Variants in DCAKD observed in about 807,000 individuals in gnomAD.
DCAKD encodes dephospho-CoA kinase domain containing, also known as dephospho-CoA kinase domain-containing protein.
A neutral mutation model predicts 18.7 loss-of-function variants in DCAKD; 15 were observed. The ratio of observed to expected loss-of-function variants is 0.80; its 90% CI spans 0.54 to 1.24. The LOEUF (loss-of-function observed/expected upper bound fraction) is 1.24, where lower values mean the gene tolerates loss of function less well. Among genes scored for constraint, DCAKD ranks in the 50% most tolerant of loss-of-function variants. The probability of loss-of-function intolerance (pLI) is 0.00; values close to 1 mark genes in which losing one functional copy is unlikely to be tolerated. For synonymous variants in DCAKD, 130 were observed against 133.0 expected (o/e 0.98, Z 0.16); for missense variants, 301 against 322.0 (o/e 0.93, Z 0.50).
At chr17:45,044,809 A>G (rs544779125) in intron 1 of DCAKD, among the ~76,000 whole-genome samples, 12 of 152,380 alleles carry the variant, frequency 7.9e-5, no homozygotes, top group Non-Finnish European at 1.6e-4. Flanking sequence ...TTGGGATTCT[A>G]AAGAAAGAAC....
intron 1 of DCAKD, among the ~76,000 whole-genome samples, chr17:45,039,391 A>G (rs1278145489): frequency 6.6e-6 from 1 of 152,218 alleles, no homozygotes; most frequent in Non-Finnish European, 1.5e-5. Flanking sequence ...CATTCCTCAC[A>G]GCAAGTGCTA....
At chr17:45,060,849 G>A (rs1290481376) in intron 1 of DCAKD, 2 of 190,940 alleles carry the variant, frequency 1.0e-5, no homozygotes, top group Non-Finnish European at 2.0e-5. Context: ...TCCGGCTCCA[G>A]GCAGGTAGCA....
intron 4 of DCAKD, among the ~76,000 whole-genome samples, chr17:45,027,217 T>A (rs1314319865): frequency 1.3e-5 from 2 of 152,182 alleles, no homozygotes; most frequent in African/African-American, 4.8e-5. Context: ...GCTGCATGCC[T>A]GCAATCCCAG....
At chr17:45,056,231 T>A (rs1304168483), upstream of DCAKD, among the ~76,000 whole-genome samples, 1 of 152,110 alleles carries the variant, frequency 6.6e-6, no homozygotes, top group Non-Finnish European at 1.5e-5. Context: ...ATGGACATCA[T>A]GAAGAAAACT....
chr17:45,051,563 C>G lies in DCAKD; in HGVS notation c.-317G>C, dbSNP rs1175615929. The stretch of plus-strand genomic sequence containing the variant: ...TGGCGCGCTACGTACCCAGCGCCTC[C>G]GCCGTGGCCCAGGCCTCCGCCTCTA... On this transcript the variant is annotated 5_prime_UTR_variant, in exon 1 of 5. Coordinates refer to ENST00000651974, the MANE Select transcript of DCAKD (RefSeq NM_001288655.2). 1 of 151,348 alleles carries G rather than the reference C, an allele frequency of 6.6e-6. No individual in the cohort carries two copies. The highest frequency in any genetic ancestry group is 1.5e-5 in the Non-Finnish European group (1 of 67,804). 9.4% of individuals were successfully genotyped at this position (151,348 alleles called of 1,614,324 possible).
upstream of DCAKD, among the ~76,000 whole-genome samples, chr17:45,053,176 A>C (rs919645693): frequency 1.3e-4 from 14 of 106,318 alleles, 1 homozygote; most frequent in East Asian, 4.4e-4. Context: ...AGTTAAAAAA[A>C]AAAAAAAAAA....
intron 1 of DCAKD, among the ~76,000 whole-genome samples, chr17:45,050,099 G>A (rs1249475419): frequency 6.6e-6 from 1 of 150,854 alleles, no homozygotes; most frequent in East Asian, 1.9e-4. Flanking sequence ...GGAGTGCAGT[G>A]GCACGATCTC....
chr17:45,053,256 G>T (rs111459443), upstream of DCAKD, among the ~76,000 whole-genome samples: 9 of 138,520 alleles, frequency 6.5e-5, no homozygotes, highest in Admixed American at 1.5e-4. Flanking sequence ...TTTTTTGTTT[G>T]GTTTGTTTGT....
At chr17:45,049,982 A>G (rs1207794920) in intron 1 of DCAKD, among the ~76,000 whole-genome samples, 2 of 151,534 alleles carry the variant, frequency 1.3e-5, no homozygotes, top group Non-Finnish European at 2.9e-5. Flanking sequence ...TCAGCCTCCC[A>G]AAATACTGGG....
At chr17:45,060,897 G>C (rs943152046) in exon 1 of DCAKD, 2 of 458,482 alleles carry the variant, frequency 4.4e-6, no homozygotes, top group Non-Finnish European at 5.8e-6. Context: ...CCCGGGAAAC[G>C]TAACGGTCCT....
intron 4 of DCAKD, chr17:45,026,938 C>T: frequency 7.0e-6 from 3 of 427,462 alleles, no homozygotes; most frequent in Non-Finnish European, 9.4e-6. Flanking sequence ...GCACCTCCGA[C>T]AGCCCTTCCT....
At chr17:45,055,239 G>C (rs1406129849), upstream of DCAKD, among the ~76,000 whole-genome samples, 1 of 152,110 alleles carries the variant, frequency 6.6e-6, no homozygotes, top group Admixed American at 6.6e-5. Context: ...AGTCACCTCT[G>C]TGTCCTTAGC....
At position 45,034,860 on chromosome 17, in the gene DCAKD, C is replaced by G. The variant is rs765093253; in HGVS notation, c.26G>C (p.Gly9Ala). 3 of 1,614,132 alleles carry G rather than the reference C, an allele frequency of 1.9e-6. No individual in the cohort carries two copies. Among genetic ancestry groups the G allele is most frequent in the Non-Finnish European group, 2.5e-6 (3 of 1,180,006 alleles). MFLVGLTGGIASGKSSVIQ... is the reference protein window; with the variant it reads MFLVGLTGAIASGKSSVIQ... ...CACTGAGCTCTTGCCTGAGGCAATGCCCCCTGTCAGGCCCACCAGAAACAT... is the reference window on the plus strand; with the variant it reads ...CACTGAGCTCTTGCCTGAGGCAATGGCCCCTGTCAGGCCCACCAGAAACAT... Residue 9 changes from glycine (G) to alanine (A), a missense_variant, in exon 2 of 5, where the codon GGC (glycine) becomes GCC (alanine). Physicochemically the swap from Gly to Ala is moderately conservative, Grantham distance 60. Transcript: ENST00000651974.
chr17:45,046,764 C>A (rs1036761828), intron 1 of DCAKD, among the ~76,000 whole-genome samples: 3 of 151,994 alleles, frequency 2.0e-5, no homozygotes, highest in African/African-American at 7.3e-5. Flanking sequence ...AAATTTCCAA[C>A]TCAATTCCCA....
chr17:45,038,752 C>T (rs1485131826), intron 1 of DCAKD, among the ~76,000 whole-genome samples: 1 of 152,108 alleles, frequency 6.6e-6, no homozygotes, highest in Non-Finnish European at 1.5e-5. Context: ...TGGAAACAGA[C>T]CAACAGCTGC....
chr17:45,041,857 G>A (rs903336056), intron 1 of DCAKD, among the ~76,000 whole-genome samples: 1 of 151,932 alleles, frequency 6.6e-6, no homozygotes, highest in African/African-American at 2.4e-5. Context: ...GGTGGCTCAC[G>A]CCTGCAATCG....
At position 45,047,144 on chromosome 17, in the gene DCAKD, AG is replaced by A. The variant is rs564385983; in HGVS notation, c.-115+4216del. On this transcript the variant is annotated intron_variant, in intron 1 of 4. Coordinates refer to ENST00000651974, the MANE Select transcript of DCAKD (RefSeq NM_001288655.2). ...AGTGATATTGCTGAAAAAAAAAAAA[AG>A]CCTTCAACTCCTGTGTATTTAATTT... 1.7e-3 allele frequency among the ~76,000 whole-genome samples: 243 copies of A among 146,040 alleles called. 4 individuals carry two copies. The highest frequency in any genetic ancestry group is 6.0e-3 in the African/African-American group (236 of 39,136).
At chr17:45,054,254 A>AT (rs1187044772), upstream of DCAKD, 5,516 of 375,364 alleles carry the variant, frequency 0.015, 21 homozygotes, top group African/African-American at 0.029. Flanking sequence ...AGTTTTATTT[A>AT]TTTTTTTTTT....
intron 1 of DCAKD, among the ~76,000 whole-genome samples, chr17:45,049,713 C>CTTTTTTTTTTTTTTTTT (rs57106886): frequency 1.8e-5 from 2 of 111,874 alleles, no homozygotes; most frequent in Non-Finnish European, 3.5e-5. Context: ...TTTTCTTTTC[C>CTTTTTTTTTTTTTTTTT]TTTTTTTTTT....
Sources: gnomAD v4.1 joint callset for allele counts (sites outside exome capture counted in the v4.1 genomes callset) on GRCh38, gnomAD v4.1.1 for gene constraint, MANE v1.5 for transcripts, NCBI Gene and HGNC (gene_info 2026-07-23, HGNC 2026-07-21) for gene names.